Variants in ZCCHC24 observed in about 807,000 individuals in gnomAD.
ZCCHC24 encodes the protein zinc finger CCHC domain-containing protein 24.
ZCCHC24 carries 10 observed loss-of-function variants against 26.2 expected under a neutral mutation model. The ratio of observed to expected loss-of-function variants is 0.38; its 90% confidence interval spans 0.24 to 0.65. The LOEUF (loss-of-function observed/expected upper bound fraction) is 0.65. ZCCHC24 is among the 30% of genes least tolerant of loss of function. The pLI, the probability that ZCCHC24 is intolerant of heterozygous loss-of-function variation, is 0.54. For synonymous variants in ZCCHC24, 144 were observed against 147.1 expected, an observed-to-expected ratio of 0.98 and a Z score of 0.15; for missense variants, 243 against 329.1, an observed-to-expected ratio of 0.74 and a Z score of 2.03.
chr10:79,385,940 G>T lies in ZCCHC24; in HGVS notation c.*405C>A. The T allele has an allele frequency of 4.8e-6, 2 of 417,402 alleles. No homozygotes were observed. The highest frequency in any genetic ancestry group is 8.5e-6 in the Non-Finnish European group (2 of 235,124). 25.9% of individuals were successfully genotyped at this position (417,402 alleles called of 1,614,324 possible). A position where few individuals can be genotyped will look rare whatever the true frequency, so the allele number is the denominator to read the frequency against. The stretch of plus-strand genomic sequence containing the variant: ...GGAAGGTTCTGGGTGGGGGCAGGCG[G>T]CCTGGCTGGTCTGGGGAGGTTTGGG... On this transcript the variant is annotated 3_prime_UTR_variant, in exon 4 of 4. Transcript: ENST00000372336. This position sits in a 1 kb window ranked among gnomAD's most constrained non-coding sequence, Gnocchi z 4.3.
chr10:79,434,691 C>T (rs1321803391), intron 1 of ZCCHC24, among the ~76,000 whole-genome samples: 1 of 152,212 alleles, frequency 6.6e-6, no homozygotes, highest in Admixed American at 6.5e-5. Context: ...AAGCAGCCAC[C>T]TGGAATCGAG....
At chr10:79,399,609 T>A (rs772643699) in intron 2 of ZCCHC24, among the ~76,000 whole-genome samples, 7 of 152,138 alleles carry the variant, frequency 4.6e-5, no homozygotes, top group Non-Finnish European at 7.3e-5. Flanking sequence ...TAAATCTGAC[T>A]GAGCTCGGGG....
In ZCCHC24 at chr10:79,445,306, G is replaced by T. The variant is rs1446261729; in HGVS notation, c.135C>A (p.Thr45=). 6.7e-7 allele frequency: 1 copy of T among 1,494,668 alleles called. No homozygotes were observed. Among genetic ancestry groups the T allele is most frequent in the Non-Finnish European group, 8.9e-7 (1 of 1,121,776 alleles). 92.6% of individuals were successfully genotyped at this position (1,494,668 alleles called of 1,614,324 possible). ...CCAGCTCCGGGGGTGCGGCGCCGGCGGTCGGCTCGGGCCGGAAGGCATCGA... is the reference window on the plus strand; with the variant it reads ...CCAGCTCCGGGGGTGCGGCGCCGGCTGTCGGCTCGGGCCGGAAGGCATCGA... ...SAFDAFRPEP[T]AGAAPPELAF... is the part of the protein sequence containing the mutation. The change falls in exon 1 of 4, where the codon ACC becomes ACA. Residue 45 remains threonine (T), a synonymous_variant. Transcript: ENST00000372336.
At chr10:79,396,865 A>G (rs1340600244) in intron 2 of ZCCHC24, among the ~76,000 whole-genome samples, 3 of 152,256 alleles carry the variant, frequency 2.0e-5, no homozygotes, top group Non-Finnish European at 2.9e-5. Context: ...CTTCACAAGG[A>G]TAAGGATAGT....
At chr10:79,432,323 C>A (rs1433216797) in intron 2 of ZCCHC24, among the ~76,000 whole-genome samples, 1 of 152,276 alleles carries the variant, frequency 6.6e-6, no homozygotes, top group African/African-American at 2.4e-5. Context: ...AAATCCCCCA[C>A]CCAGATTGCT....
At chr10:79,389,882 T>A (rs964636783) in intron 3 of ZCCHC24, among the ~76,000 whole-genome samples, 8 of 151,954 alleles carry the variant, frequency 5.3e-5, no homozygotes, top group African/African-American at 1.9e-4. Context: ...TCCCAAAGTA[T>A]TGGGATTACA....
chr10:79,396,177 C>T (rs1164496129), intron 2 of ZCCHC24, among the ~76,000 whole-genome samples: 2 of 152,238 alleles, frequency 1.3e-5, no homozygotes, highest in Admixed American at 6.5e-5. Context: ...CAGCATATGT[C>T]AGCACTTCAA....
chr10:79,439,314 T>G (rs538509107), intron 1 of ZCCHC24, among the ~76,000 whole-genome samples: 1 of 152,200 alleles, frequency 6.6e-6, no homozygotes, highest in Non-Finnish European at 1.5e-5. Flanking sequence ...ATCTCCCAAG[T>G]CAGCTCATTC....
At chr10:79,388,431 G>A (rs572298269) in intron 3 of ZCCHC24, among the ~76,000 whole-genome samples, 15 of 152,208 alleles carry the variant, frequency 9.9e-5, no homozygotes, top group Non-Finnish European at 2.1e-4. Flanking sequence ...CCTGCTGGCA[G>A]AGCCCACCGC....
chr10:79,403,709 G>C, intron 2 of ZCCHC24: 1 of 656,350 alleles, frequency 1.5e-6, no homozygotes, highest in Non-Finnish European at 1.9e-6. Flanking sequence ...CCCAGCATGG[G>C]CCCAGAAGGC....
intron 2 of ZCCHC24, among the ~76,000 whole-genome samples, chr10:79,406,706 G>A (rs1856718901): frequency 1.3e-5 from 2 of 152,220 alleles, no homozygotes; most frequent in African/African-American, 4.8e-5. Flanking sequence ...CCAAGTCACA[G>A]AGAGGTTAAG....
chr10:79,391,808 C>T (rs1856483795), intron 3 of ZCCHC24, among the ~76,000 whole-genome samples: 1 of 151,484 alleles, frequency 6.6e-6, no homozygotes, highest in South Asian at 2.1e-4. Flanking sequence ...GAGCGCTCTC[C>T]CCTCCTGCCT....
At chr10:79,432,361 C>G (rs1857142367) in intron 2 of ZCCHC24, among the ~76,000 whole-genome samples, 197 bp downstream of exon 2, 1 of 152,236 alleles carries the variant, frequency 6.6e-6, no homozygotes, top group Non-Finnish European at 1.5e-5. Flanking sequence ...CCAAGATGGG[C>G]CTCTGTCCTG....
intron 3 of ZCCHC24, among the ~76,000 whole-genome samples, chr10:79,388,537 T>G (rs1359570488): frequency 1.3e-5 from 2 of 152,184 alleles, no homozygotes. Flanking sequence ...ACACAGACTC[T>G]GCTTGGCTCC....
intron 3 of ZCCHC24, among the ~76,000 whole-genome samples, chr10:79,390,249 T>C (rs1856461165): frequency 6.6e-6 from 1 of 152,180 alleles, no homozygotes; most frequent in South Asian, 2.1e-4. Context: ...CTTTAGCAAA[T>C]CACTTAACTT....
Position 79,445,322 on chromosome 10 carries a change from AAG to A in ZCCHC24, c.117_118del (p.Phe40ProfsTer249). On this transcript the variant is annotated frameshift_variant, in exon 1 of 4. Coordinates refer to ENST00000372336, the MANE Select transcript of ZCCHC24 (RefSeq NM_153367.4). LOFTEE classifies it high-confidence loss of function. ...GGCGCCGGCGGTCGGCTCGGGCCGG[AAG>A]GCATCGAAGGCGCTAGCCTGGTGCG... 6.6e-7 allele frequency: 1 copy of A among 1,520,046 alleles called. No homozygotes were observed. Among genetic ancestry groups the A allele is most frequent in the Non-Finnish European group, 8.8e-7 (1 of 1,135,988 alleles). The allele number at this position is 1,520,046 out of a possible 1,614,324, so 94.2% of individuals were successfully genotyped here.
chr10:79,394,077 G>T (rs1856512699), intron 3 of ZCCHC24, among the ~76,000 whole-genome samples, 199 bp downstream of exon 3: 1 of 152,294 alleles, frequency 6.6e-6, no homozygotes, highest in South Asian at 2.1e-4. Flanking sequence ...ATTCCCCGGG[G>T]TTCTCTGGTC....
intron 2 of ZCCHC24, among the ~76,000 whole-genome samples, chr10:79,397,142 G>A (rs531175699): frequency 6.6e-6 from 1 of 152,352 alleles, no homozygotes; most frequent in African/African-American, 2.4e-5. Context: ...TACGTGCTGA[G>A]TGCGCAGATC....
chr10:79,441,896 C>A (rs1439636703), intron 1 of ZCCHC24, among the ~76,000 whole-genome samples: 1 of 152,222 alleles, frequency 6.6e-6, no homozygotes, highest in Non-Finnish European at 1.5e-5. Context: ...CAGGGACTAC[C>A]TGGCAGGGGC....
Sources: allele counts gnomAD v4.1 joint callset (sites outside exome capture counted in the v4.1 genomes callset), GRCh38; gene constraint gnomAD v4.1.1; non-coding constraint Gnocchi (gnomAD v3.1); transcripts MANE v1.5; gene names NCBI Gene and HGNC (gene_info 2026-07-23, HGNC 2026-07-21).